GRID2: variants seen among roughly 807,000 people sequenced by gnomAD.
The protein encoded by GRID2 is glutamate ionotropic receptor delta type subunit 2.
A neutral mutation model predicts 114.8 loss-of-function variants in GRID2; 33 were observed. The observed-to-expected ratio is 0.29, with a 90% CI of 0.22 to 0.38. GRID2 has a LOEUF of 0.38. Among genes scored for constraint, GRID2 ranks in the 10% least tolerant of loss-of-function variants. GRID2 has a pLI of 1.00. For synonymous variants in GRID2, 505 were observed against 449.9 expected (o/e 1.12, Z -1.55); for missense variants, 1,184 against 1,257.7 (o/e 0.94, Z 0.89).
chr4:93,573,049 A>T (rs889922747), intron 13 of GRID2, among the ~76,000 whole-genome samples: 2 of 152,172 alleles, frequency 1.3e-5, no homozygotes, highest in African/African-American at 4.8e-5. Context: ...ATGTACCTAG[A>T]TCAGTGCTTA....
At chr4:92,623,408 C>G (rs1730371629) in intron 2 of GRID2, among the ~76,000 whole-genome samples, 1 of 151,136 alleles carries the variant, frequency 6.6e-6, no homozygotes, top group South Asian at 2.1e-4. Flanking sequence ...ACTCTCTGGA[C>G]TGGCTAATAA....
chr4:93,389,907 GC>G (rs905899899), intron 8 of GRID2, among the ~76,000 whole-genome samples: 1 of 151,808 alleles, frequency 6.6e-6, no homozygotes, highest in East Asian at 1.9e-4. Context: ...TCCCGCCTCA[GC>G]CCCCCAAGTA....
chr4:92,824,612 C>G (rs1741558197), intron 2 of GRID2, among the ~76,000 whole-genome samples: 1 of 152,050 alleles, frequency 6.6e-6, no homozygotes, highest in African/African-American at 2.4e-5. Context: ...TTATAATTAT[C>G]AGACCCACCT....
chr4:92,617,787 C>T (rs1730074473), intron 2 of GRID2, among the ~76,000 whole-genome samples: 1 of 151,630 alleles, frequency 6.6e-6, no homozygotes, highest in South Asian at 2.1e-4. Flanking sequence ...TGTATACTTG[C>T]TAGACATTTA....
chr4:93,616,564 A>G (rs1240869621), intron 13 of GRID2, among the ~76,000 whole-genome samples: 1 of 106,578 alleles, frequency 9.4e-6, no homozygotes, highest in East Asian at 5.9e-4. Context: ...TAATAAATAT[A>G]AATATTTATT....
Position 93,304,019 on chromosome 4 carries a change from C to T in GRID2, c.1245+65529C>T, listed in dbSNP as rs75863625. ...TTATATTGCATTCTCATTCACCAACCTCAGAATTATTATTAAATATTGCAA... is the reference window on the plus strand; with the variant it reads ...TTATATTGCATTCTCATTCACCAACTTCAGAATTATTATTAAATATTGCAA... On this transcript the variant is annotated intron_variant, in intron 8 of 15. Transcript: ENST00000282020. Among the ~76,000 whole-genome samples the T allele has an allele frequency of 6.5e-3, 985 of 151,578 alleles. 9 individuals carry two copies. Among genetic ancestry groups the T allele is most frequent in the African/African-American group, 0.023 (940 of 41,386 alleles).
At chr4:93,364,855 T>A (rs1002819341) in intron 8 of GRID2, among the ~76,000 whole-genome samples, 1 of 152,176 alleles carries the variant, frequency 6.6e-6, no homozygotes, top group African/African-American at 2.4e-5. Flanking sequence ...CTCTTCTTTT[T>A]GACCTTTTCT....
chr4:93,365,547 T>C (rs1430100020), intron 8 of GRID2, among the ~76,000 whole-genome samples: 1 of 152,184 alleles, frequency 6.6e-6, no homozygotes, highest in Non-Finnish European at 1.5e-5. Flanking sequence ...ACAAAAATTA[T>C]TGTCATCTCA....
chr4:92,316,011 A>G (rs1009640397), intron 1 of GRID2, among the ~76,000 whole-genome samples: 8 of 150,896 alleles, frequency 5.3e-5, no homozygotes, highest in Non-Finnish European at 8.9e-5. Flanking sequence ...AAAAAAAAAA[A>G]AAAGAAAAGA....
chr4:93,056,266 T>C (rs961560980), intron 2 of GRID2, among the ~76,000 whole-genome samples: 3 of 151,984 alleles, frequency 2.0e-5, no homozygotes, highest in African/African-American at 7.2e-5. Flanking sequence ...GATTGTTTTC[T>C]ATCAGCAGCT....
chr4:92,647,381 T>C (rs962058338), intron 2 of GRID2, among the ~76,000 whole-genome samples: 2 of 27,272 alleles, frequency 7.3e-5, no homozygotes, highest in South Asian at 9.2e-4. Context: ...TTCTAACCAA[T>C]AAATGATACA....
rs545827943 is a variant in GRID2, at chr4:92,936,997, T to C, written c.245-147998T>C. Among the ~76,000 whole-genome samples, 15 of 146,688 alleles carry C rather than the reference T, an allele frequency of 1.0e-4. 1 individual carries two copies. The highest frequency in any genetic ancestry group is 3.5e-3 in the Middle Eastern group (1 of 286). ...TGTATTTCTTTTTTGGAGAAATGTC[T>C]CTTCAAGTCCTTGGTCCACTTTTTA... On this transcript the variant is annotated intron_variant, in intron 2 of 15. Transcript: ENST00000282020.
intron 4 of GRID2, among the ~76,000 whole-genome samples, chr4:93,155,795 A>G (rs979273474): frequency 4.6e-5 from 7 of 151,812 alleles, no homozygotes; most frequent in African/African-American, 1.7e-4. Flanking sequence ...CAGGAGAGAA[A>G]AATGACAGTT....
intron 1 of GRID2, among the ~76,000 whole-genome samples, chr4:92,326,216 C>T: frequency 6.6e-6 from 1 of 151,822 alleles, no homozygotes; most frequent in East Asian, 1.9e-4. Flanking sequence ...AGATTTATAA[C>T]TGATTAAAGG....
chr4:92,551,483 T>C (rs1726584926), intron 1 of GRID2, among the ~76,000 whole-genome samples: 1 of 152,194 alleles, frequency 6.6e-6, no homozygotes, highest in African/African-American at 2.4e-5. Flanking sequence ...ATCTATAAAA[T>C]GCAACTAATA....
At chr4:92,818,087 T>C (rs926945670) in intron 2 of GRID2, among the ~76,000 whole-genome samples, 1 of 152,180 alleles carries the variant, frequency 6.6e-6, no homozygotes, top group Admixed American at 6.6e-5. Context: ...GTCTTTTATG[T>C]TATCACTATA....
chr4:93,590,384 T>G (rs1738096473), intron 13 of GRID2, among the ~76,000 whole-genome samples: 3 of 149,896 alleles, frequency 2.0e-5, no homozygotes, highest in Non-Finnish European at 4.5e-5. Flanking sequence ...GCGTTATTTC[T>G]GAGGGCTCTG....
At chr4:93,674,249 A>C (rs80097133) in intron 14 of GRID2, among the ~76,000 whole-genome samples, 1 of 152,264 alleles carries the variant, frequency 6.6e-6, no homozygotes, top group East Asian at 1.9e-4. Context: ...AATACTCGTG[A>C]GCGTGAGATA....
chr4:92,950,083 G>T (rs552728261), intron 2 of GRID2, among the ~76,000 whole-genome samples: 1 of 152,252 alleles, frequency 6.6e-6, no homozygotes, highest in Admixed American at 6.5e-5. Context: ...TTGGCTTTTG[G>T]ATCCGTCCTG....
Sources: gnomAD v4.1 joint callset for allele counts (sites outside exome capture counted in the v4.1 genomes callset) on GRCh38, gnomAD v4.1.1 for gene constraint, MANE v1.5 for transcripts, NCBI Gene and HGNC (gene_info 2026-07-23, HGNC 2026-07-21) for gene names.